The following RBMS3 variants were observed in gnomAD, a reference collection of about 807,000 sequenced individuals.
RBMS3 encodes the protein RNA-binding motif, single-stranded-interacting protein 3.
Under a neutral mutation model 66.8 loss-of-function variants are expected in RBMS3, and 27 were observed. The observed-to-expected ratio is 0.40, with a 90% CI of 0.30 to 0.56. RBMS3 has a LOEUF of 0.56. RBMS3 is among the 20% of genes least tolerant of loss of function. RBMS3 has a pLI of 0.40. For missense variants in RBMS3, 513 were observed against 549.5 expected (o/e 0.93, Z 0.66); for synonymous variants, 188 against 183.0 (o/e 1.03, Z -0.22).
At chr3:29,708,685 C>T (rs1251655163) in intron 4 of RBMS3, among the ~76,000 whole-genome samples, 1 of 152,030 alleles carries the variant, frequency 6.6e-6, no homozygotes, top group Non-Finnish European at 1.5e-5. Context: ...TCAATTCGGT[C>T]GTCTCTGATG....
intron 4 of RBMS3, among the ~76,000 whole-genome samples, chr3:29,719,231 G>T (rs1395221545): frequency 6.6e-6 from 1 of 152,092 alleles, no homozygotes; most frequent in Non-Finnish European, 1.5e-5. Flanking sequence ...AAACTTGTAC[G>T]CTGTGAAAAT....
intron 1 of RBMS3, among the ~76,000 whole-genome samples, chr3:29,396,651 CAG>C (rs2039563694): frequency 6.6e-6 from 1 of 152,016 alleles, no homozygotes. Context: ...TAGATCTAGA[CAG>C]AGCAGTACAT....
chr3:29,355,555 C>CAAAA (rs761034684), intron 1 of RBMS3, among the ~76,000 whole-genome samples: 1 of 146,344 alleles, frequency 6.8e-6, no homozygotes, highest in Non-Finnish European at 1.5e-5. Context: ...ATATATACAG[C>CAAAA]AAGAAAAAAA....
At chr3:29,675,138 T>A (rs1221835402) in intron 4 of RBMS3, among the ~76,000 whole-genome samples, 3 of 152,202 alleles carry the variant, frequency 2.0e-5, no homozygotes, top group Non-Finnish European at 4.4e-5. Context: ...TACAACCATC[T>A]GATCTTTGAC....
intron 6 of RBMS3, among the ~76,000 whole-genome samples, chr3:29,814,726 A>T (rs1464271463): frequency 6.6e-6 from 1 of 152,190 alleles, no homozygotes; most frequent in Admixed American, 6.5e-5. Flanking sequence ...GTATGTGTTG[A>T]GGAATTTATC....
intron 4 of RBMS3, among the ~76,000 whole-genome samples, chr3:29,626,421 A>G (rs969623491): frequency 6.6e-6 from 1 of 152,218 alleles, no homozygotes; most frequent in Non-Finnish European, 1.5e-5. Flanking sequence ...CTAATTCTGG[A>G]TATCAATATT....
At chr3:29,764,413 A>G (rs1026772614) in intron 6 of RBMS3, among the ~76,000 whole-genome samples, 2 of 151,770 alleles carry the variant, frequency 1.3e-5, no homozygotes, top group Admixed American at 6.6e-5. Flanking sequence ...CAGACATTTT[A>G]AGACACTTTA....
chr3:29,803,574 T>C (rs952439195), intron 6 of RBMS3, among the ~76,000 whole-genome samples: 14 of 152,086 alleles, frequency 9.2e-5, no homozygotes, highest in African/African-American at 2.7e-4. Flanking sequence ...TAGTGTTTAA[T>C]AGAATAGAGC....
chr3:29,443,904 A>T (rs749257796), intron 2 of RBMS3, among the ~76,000 whole-genome samples: 28 of 152,164 alleles, frequency 1.8e-4, no homozygotes, highest in Non-Finnish European at 1.8e-4. Flanking sequence ...TAGCTTGAGC[A>T]TCTTGAGGGA....
chr3:29,678,838 C>T (rs118041683), intron 4 of RBMS3, among the ~76,000 whole-genome samples: 2,057 of 151,970 alleles, frequency 0.014, 29 homozygotes, highest in Middle Eastern at 0.041. Context: ...GCCCATCTAC[C>T]CCTCCATTTT....
At chr3:29,965,146 G>A (rs140252264) in intron 12 of RBMS3, among the ~76,000 whole-genome samples, 57 of 152,256 alleles carry the variant, frequency 3.7e-4, no homozygotes, top group African/African-American at 1.3e-3. Flanking sequence ...TTGGTTCCAT[G>A]ATTTTGCAGT....
At chr3:29,361,897 A>C (rs984698352) in intron 1 of RBMS3, among the ~76,000 whole-genome samples, 3 of 152,196 alleles carry the variant, frequency 2.0e-5, no homozygotes, top group Non-Finnish European at 4.4e-5. Context: ...TTTCAGCTCC[A>C]TCAGGTCCTT....
chr3:30,008,702 G>T lies in RBMS3; in HGVS notation c.*4840G>T, dbSNP rs1278232340. The T allele has an allele frequency of 6.6e-6, 1 of 152,054 alleles. No homozygotes were observed. The highest frequency in any genetic ancestry group is 2.4e-5 in the African/African-American group (1 of 41,432). 9.4% of individuals were successfully genotyped at this position (152,054 alleles called of 1,614,324 possible). A position where few individuals can be genotyped will look rare whatever the true frequency, so the allele number is the denominator to read the frequency against. ...TGGGATTTCATTAATGAATCAATTT[G>T]TTTTACAAATGACATCCACTGTGGC... is the stretch of plus-strand genomic sequence containing the variant. On this transcript the variant is annotated 3_prime_UTR_variant, in exon 15 of 15. Transcript: ENST00000383767.
At chr3:29,636,060 G>A (rs1412762816) in intron 4 of RBMS3, among the ~76,000 whole-genome samples, 1 of 151,758 alleles carries the variant, frequency 6.6e-6, no homozygotes, top group Non-Finnish European at 1.5e-5. Flanking sequence ...GTGTGTGTGT[G>A]TGTGTGTGTG....
chr3:29,589,295 G>A (rs1006039471), intron 4 of RBMS3, among the ~76,000 whole-genome samples: 1 of 152,006 alleles, frequency 6.6e-6, no homozygotes, highest in African/African-American at 2.4e-5. Context: ...CTAGTCAGAA[G>A]GCTATTTGAT....
intron 1 of RBMS3, among the ~76,000 whole-genome samples, chr3:29,401,622 C>T (rs376929170): frequency 3.3e-5 from 5 of 152,136 alleles, no homozygotes; most frequent in East Asian, 1.9e-4. Flanking sequence ...CAGTGCTAGT[C>T]GCTTTGGTGT....
intron 4 of RBMS3, among the ~76,000 whole-genome samples, chr3:29,734,968 CT>C (rs145869731): frequency 0.044 from 6,649 of 152,182 alleles, 464 homozygotes; most frequent in African/African-American, 0.15. Context: ...CAACTTCATG[CT>C]AGTACTGTAG....
chr3:29,919,676 T>C (rs2060719850), intron 10 of RBMS3, among the ~76,000 whole-genome samples: 1 of 152,210 alleles, frequency 6.6e-6, no homozygotes, highest in Non-Finnish European at 1.5e-5. Context: ...GATGCCTTCA[T>C]GGTGTAGGCC....
At chr3:29,301,989 C>T (rs1325950422) in intron 1 of RBMS3, among the ~76,000 whole-genome samples, 1 of 151,892 alleles carries the variant, frequency 6.6e-6, no homozygotes, top group Non-Finnish European at 1.5e-5. Context: ...CCATCTCTAT[C>T]ACCAAGTACA....
Sources: gnomAD v4.1 joint callset for allele counts (sites outside exome capture counted in the v4.1 genomes callset) on GRCh38, gnomAD v4.1.1 for gene constraint, MANE v1.5 for transcripts, NCBI Gene and HGNC (gene_info 2026-07-23, HGNC 2026-07-21) for gene names.